The following CCDC146 variants were observed in gnomAD, a reference collection of about 807,000 sequenced individuals.
CCDC146 encodes the protein coiled-coil domain-containing protein 146.
A neutral mutation model predicts 119.3 loss-of-function variants in CCDC146; 92 were observed. The observed-to-expected ratio is 0.77, with a 90% CI of 0.65 to 0.92. CCDC146 has a LOEUF of 0.92. Among genes scored for constraint, CCDC146 ranks in the 40% least tolerant of loss-of-function variants. CCDC146 has a pLI of 0.00. For synonymous variants in CCDC146, 372 were observed against 371.8 expected, an observed-to-expected ratio of 1.00 and a Z score of -0.01; for missense variants, 1,000 against 1,103.0, an observed-to-expected ratio of 0.91 and a Z score of 1.32.
In CCDC146 at chr7:77,254,540, T is replaced by A; in HGVS notation, c.484T>A (p.Phe162Ile). The change falls in exon 5 of 19, where the codon TTT (phenylalanine) becomes ATT (isoleucine). Residue 162 changes from phenylalanine (F) to isoleucine (I), a missense_variant. By Grantham distance (21) the Phe-to-Ile change is conservative (BLOSUM62 0). Around this residue, in one of 2 missense-constraint regions of CCDC146, gnomAD observed 985 missense variants for 1,045.3 expected, o/e 0.94. Coordinates refer to ENST00000285871, the MANE Select transcript of CCDC146 (RefSeq NM_020879.3). ...KEEKIIIVKE[F>I]EKITKPGEME... ...AGAAAAAATCATCATAGTAAAAGAA[T>A]TTGAGAAGATAACAAAGCCAGGAGT... is the stretch of plus-strand genomic sequence containing the variant. The A allele has an allele frequency of 6.5e-7, 1 of 1,546,900 alleles. No homozygotes were observed. Among genetic ancestry groups the A allele is most frequent in the South Asian group, 1.1e-5 (1 of 87,688 alleles).
intron 1 of CCDC146, among the ~76,000 whole-genome samples, chr7:77,157,969 T>G (rs1363709591): frequency 6.6e-6 from 1 of 152,178 alleles, no homozygotes; most frequent in Non-Finnish European, 1.5e-5. Context: ...GCCTCCAGAT[T>G]GTTTCCTTGC....
At chr7:77,282,121 A>G (rs1009285693) in intron 14 of CCDC146, among the ~76,000 whole-genome samples, 3 of 152,250 alleles carry the variant, frequency 2.0e-5, no homozygotes, top group Non-Finnish European at 4.4e-5. Context: ...TGGGCCTAGC[A>G]ACTTAATATA....
In CCDC146 at chr7:77,243,522, T is replaced by A. The variant is rs1261299129; in HGVS notation, c.449+1622T>A. ...TTTCATTGGCTTAACATATTTAGTA[T>A]CACAGTCATGCACCACATAATGGTG... On this transcript the variant is annotated intron_variant, in intron 4 of 18. Transcript: ENST00000285871. Among the ~76,000 whole-genome samples the A allele has an allele frequency of 6.6e-5, 10 of 152,356 alleles. No individual in the cohort carries two copies. The East Asian group carries it at 1.7e-3, about 26-fold the overall frequency.
chr7:77,147,528 T>C (rs755241690), intron 1 of CCDC146, among the ~76,000 whole-genome samples: 2 of 152,192 alleles, frequency 1.3e-5, no homozygotes, highest in African/African-American at 4.8e-5. Context: ...GTTTTTTCCC[T>C]GTCTTTGTGG....
chr7:77,273,623 C>T, intron 9 of CCDC146, 71 bp from the exon 10 acceptor site: 1 of 1,153,562 alleles, frequency 8.7e-7, no homozygotes, highest in Non-Finnish European at 1.3e-6. Flanking sequence ...CGGGTTCAAG[C>T]AATTCTCTGC....
chr7:77,222,527 G>T (rs566765485), intron 2 of CCDC146, among the ~76,000 whole-genome samples: 1 of 152,274 alleles, frequency 6.6e-6, no homozygotes, highest in African/African-American at 2.4e-5. Context: ...ATAAAAGGGG[G>T]CCTGAAAGGT....
At chr7:77,170,274 C>T (rs1791400959) in intron 2 of CCDC146, among the ~76,000 whole-genome samples, 1 of 152,122 alleles carries the variant, frequency 6.6e-6, no homozygotes, top group Non-Finnish European at 1.5e-5. Context: ...TTGTGGTCTC[C>T]AGCTCTTCTA....
In CCDC146 at chr7:77,199,201, T is replaced by C. The variant is rs556198990; in HGVS notation, c.156+31377T>C. ...CATACCTGGACGTGACTGTATTTGT[T>C]CTTGGCTGGGACACTTTGAACATTT... is the stretch of plus-strand genomic sequence containing the variant. On this transcript the variant is annotated intron_variant, in intron 2 of 18. Coordinates refer to ENST00000285871, the MANE Select transcript of CCDC146 (RefSeq NM_020879.3). The C allele has an allele frequency of 8.1e-6, 13 of 1,613,872 alleles. No individual in the cohort carries two copies. The South Asian group carries it at 1.3e-4, about 16-fold the overall frequency.
chr7:77,208,867 C>G (rs1792127117), intron 2 of CCDC146, among the ~76,000 whole-genome samples: 1 of 152,146 alleles, frequency 6.6e-6, no homozygotes, highest in Non-Finnish European at 1.5e-5. Flanking sequence ...GCTACCATGC[C>G]CAGCTAATCT....
At chr7:77,201,307 C>T (rs376598446) in intron 2 of CCDC146, among the ~76,000 whole-genome samples, 14 of 151,432 alleles carry the variant, frequency 9.2e-5, no homozygotes, top group South Asian at 4.2e-4. Flanking sequence ...ATTGGGAGGC[C>T]GAGGCATGTG....
intron 2 of CCDC146, among the ~76,000 whole-genome samples, chr7:77,212,016 G>T (rs1169050272): frequency 6.6e-6 from 1 of 152,130 alleles, no homozygotes; most frequent in Non-Finnish European, 1.5e-5. Flanking sequence ...TAAGGAAAGG[G>T]TGCCTGATAT....
intron 1 of CCDC146, among the ~76,000 whole-genome samples, chr7:77,162,163 A>C (rs1171400665): frequency 2.0e-5 from 3 of 152,032 alleles, no homozygotes; most frequent in Non-Finnish European, 4.4e-5. Context: ...ATGTCATCTC[A>C]CTTTATTTTT....
At position 77,286,887 on chromosome 7, in the gene CCDC146, A is replaced by G; in HGVS notation, c.2238A>G (p.Lys746=). The change falls in exon 16 of 19, where the codon AAA becomes AAG. Residue 746 remains lysine (K), a synonymous_variant. Coordinates refer to ENST00000285871, the MANE Select transcript of CCDC146 (RefSeq NM_020879.3). The stretch of plus-strand genomic sequence containing the variant: ...ATAGAGCTCGCTTCCTTCCAGGGAA[A>G]GATCTGACCGAAAAAGAAATGATCC... ...GENRARFLPG[K]DLTEKEMIQK... The G allele has an allele frequency of 6.2e-7, 1 of 1,614,192 alleles. No individual in the cohort carries two copies. Among genetic ancestry groups the G allele is most frequent in the South Asian group, 1.1e-5 (1 of 91,084 alleles).
At chr7:77,272,300 A>G (rs1584133772) in intron 9 of CCDC146, among the ~76,000 whole-genome samples, 1 of 152,212 alleles carries the variant, frequency 6.6e-6, no homozygotes, top group Admixed American at 6.5e-5. Context: ...CTCAAGAGCT[A>G]GTGCTCCAGG....
intron 2 of CCDC146, among the ~76,000 whole-genome samples, chr7:77,201,707 T>G (rs919519289): frequency 3.9e-5 from 6 of 152,190 alleles, no homozygotes; most frequent in African/African-American, 1.4e-4. Flanking sequence ...TTCATATAGC[T>G]CTTTCAAAAA....
chr7:77,206,672 T>C (rs12672775), intron 2 of CCDC146, among the ~76,000 whole-genome samples: 44,836 of 130,402 alleles, frequency 0.34, 7,069 homozygotes, highest in East Asian at 0.51. Flanking sequence ...TATATATATA[T>C]ACACACACAC....
At chr7:77,233,090 G>GTT (rs1412224672) in intron 2 of CCDC146, among the ~76,000 whole-genome samples, 3 of 68,530 alleles carry the variant, frequency 4.4e-5, no homozygotes, top group East Asian at 1.9e-3. Flanking sequence ...TGTTTCTTTT[G>GTT]TTTGTTTTTT....
intron 2 of CCDC146, among the ~76,000 whole-genome samples, chr7:77,211,646 C>T (rs949912173): frequency 4.0e-5 from 6 of 151,872 alleles, no homozygotes; most frequent in African/African-American, 1.2e-4. Context: ...GACAGAGTCT[C>T]ACTCTGTCAC....
chr7:77,234,856 C>T (rs1012092194), intron 2 of CCDC146, among the ~76,000 whole-genome samples: 3 of 151,948 alleles, frequency 2.0e-5, no homozygotes, highest in Non-Finnish European at 2.9e-5. Flanking sequence ...ATATTTCACC[C>T]ATAGATTAAA....
Sources: allele counts gnomAD v4.1 joint callset (sites outside exome capture counted in the v4.1 genomes callset), GRCh38; gene constraint gnomAD v4.1.1; regional missense constraint gnomAD v4.1.1; transcripts MANE v1.5; gene names NCBI Gene and HGNC (gene_info 2026-07-23, HGNC 2026-07-21).